Variants in MC2R observed in about 807,000 individuals in gnomAD.
MC2R encodes adrenocorticotropic hormone receptor.
A neutral mutation model predicts 9.8 loss-of-function variants in MC2R; 9 were observed. The ratio of observed to expected loss-of-function variants is 0.92; its 90% CI spans 0.55 to 1.60. MC2R has a LOEUF of 1.60. Among genes scored for constraint, MC2R ranks in the 40% most tolerant of loss-of-function variants. The pLI, the probability that MC2R is intolerant of heterozygous loss-of-function variation, is 0.00. For synonymous variants in MC2R, 185 were observed against 154.7 expected (o/e 1.20, Z -1.45); for missense variants, 370 against 389.0 (o/e 0.95, Z 0.41).
At chr18:13,909,599 G>A (rs2045433115) in intron 1 of MC2R, among the ~76,000 whole-genome samples, 1 of 152,156 alleles carries the variant, frequency 6.6e-6, no homozygotes, top group Non-Finnish European at 1.5e-5. Context: ...CAGTATGAAT[G>A]CATGGACAAC....
rs752812765 is a variant in MC2R, at chr18:13,885,489, G to A, written c.30C>T (p.Asn10=). The part of the protein sequence containing the change: MKHIINSYE[N]INNTARNNSD... ...AATTATTTCTTGCTGTGTTGTTGATGTTTTCATACGAGTTGATAATGTGCT... is the reference window on the plus strand; with the variant it reads ...AATTATTTCTTGCTGTGTTGTTGATATTTTCATACGAGTTGATAATGTGCT... The change falls in exon 2 of 2, where the codon AAC becomes AAT. Residue 10 remains asparagine (N), a synonymous_variant. Transcript: ENST00000327606. The A allele has an allele frequency of 2.5e-6, 4 of 1,614,156 alleles. No homozygotes were observed. The Admixed American group carries it at 6.7e-5, about 27-fold the overall frequency.
intron 1 of MC2R, among the ~76,000 whole-genome samples, chr18:13,893,278 G>A (rs2045327665): frequency 6.6e-6 from 1 of 152,168 alleles, no homozygotes; most frequent in African/African-American, 2.4e-5. Context: ...TGTGGCGTGG[G>A]GTGGCGAGAT....
intron 1 of MC2R, among the ~76,000 whole-genome samples, chr18:13,892,632 CT>C (rs34775041): frequency 0.23 from 34,842 of 150,952 alleles, 4,210 homozygotes; most frequent in Middle Eastern, 0.3. Flanking sequence ...AATAAATGAA[CT>C]TTTTTTTTTC....
rs1324898311 is a variant in MC2R, at chr18:13,886,555, G to A, written c.-128-909C>T. Among the ~76,000 whole-genome samples, 3 of 152,302 alleles carry A rather than the reference G, an allele frequency of 2.0e-5. No individual in the cohort carries two copies. The East Asian group carries it at 5.8e-4, about 29-fold the overall frequency. On this transcript the variant is annotated intron_variant, in intron 1 of 1. Coordinates refer to ENST00000327606, the MANE Select transcript of MC2R (RefSeq NM_000529.2). ...TTTAGTCCATTCCTTCTCACTGCTC[G>A]TCTCCCTGGGTCACTGCCTGACCCC...
At chr18:13,905,313 C>T (rs2045406722) in intron 1 of MC2R, among the ~76,000 whole-genome samples, 1 of 152,062 alleles carries the variant, frequency 6.6e-6, no homozygotes, top group Admixed American at 6.6e-5. Flanking sequence ...TGGTGAAACC[C>T]CGTCTCTACT....
At chr18:13,902,894 T>C (rs962267962) in intron 1 of MC2R, among the ~76,000 whole-genome samples, 1 of 152,088 alleles carries the variant, frequency 6.6e-6, no homozygotes, top group Non-Finnish European at 1.5e-5. Flanking sequence ...ACCCACAAAG[T>C]GAAGAGACAG....
At chr18:13,905,753 C>A (rs1055463981) in intron 1 of MC2R, among the ~76,000 whole-genome samples, 2 of 152,272 alleles carry the variant, frequency 1.3e-5, no homozygotes, top group East Asian at 3.9e-4. Context: ...TGGGTATATA[C>A]CCAAAGAAAT....
At chr18:13,904,380 C>CAAAAAAAAAA (rs56308792) in intron 1 of MC2R, among the ~76,000 whole-genome samples, 1 of 94,992 alleles carries the variant, frequency 1.1e-5, no homozygotes, top group Non-Finnish European at 2.2e-5. Context: ...GACCCCGTCT[C>CAAAAAAAAAA]AAAAAAAAAA....
chr18:13,899,528 G>A (rs891656158), intron 1 of MC2R, among the ~76,000 whole-genome samples: 2 of 152,134 alleles, frequency 1.3e-5, no homozygotes, highest in Non-Finnish European at 2.9e-5. Context: ...AGAACATCAA[G>A]CATATTTAAC....
At chr18:13,894,276 C>T (rs2045334098) in intron 1 of MC2R, among the ~76,000 whole-genome samples, 1 of 152,110 alleles carries the variant, frequency 6.6e-6, no homozygotes, top group Non-Finnish European at 1.5e-5. Flanking sequence ...CACAACATAG[C>T]TGTGAGACAG....
chr18:13,898,886 C>G (rs566983168), intron 1 of MC2R, among the ~76,000 whole-genome samples: 52 of 152,268 alleles, frequency 3.4e-4, no homozygotes, highest in African/African-American at 1.2e-3. Context: ...ATCTGGAAAG[C>G]CTTCCCAAGG....
chr18:13,892,472 AG>A (rs1279630466), intron 1 of MC2R, among the ~76,000 whole-genome samples: 4 of 152,210 alleles, frequency 2.6e-5, no homozygotes, highest in African/African-American at 9.6e-5. Flanking sequence ...GCCTCTGGGC[AG>A]GGTCTGGTGG....
At chr18:13,908,724 G>A (rs2045428111) in intron 1 of MC2R, among the ~76,000 whole-genome samples, 1 of 151,848 alleles carries the variant, frequency 6.6e-6, no homozygotes, top group Non-Finnish European at 1.5e-5. Context: ...GTGTGTGTGT[G>A]TGTGTGTGTG....
At chr18:13,899,710 AAAGTGCTG>A (rs2045367500) in intron 1 of MC2R, among the ~76,000 whole-genome samples, 1 of 152,228 alleles carries the variant, frequency 6.6e-6, no homozygotes, top group Non-Finnish European at 1.5e-5. Context: ...TGGTATATTT[AAAGTGCTG>A]AAGGGAAAAA....
At chr18:13,913,149 G>A (rs1019479937) in intron 1 of MC2R, among the ~76,000 whole-genome samples, 2 of 150,448 alleles carry the variant, frequency 1.3e-5, no homozygotes, top group Non-Finnish European at 2.9e-5. Flanking sequence ...AGCTTTTGCA[G>A]GAGCTCACAG....
At chr18:13,908,623 T>G (rs1413368401) in intron 1 of MC2R, among the ~76,000 whole-genome samples, 1 of 152,142 alleles carries the variant, frequency 6.6e-6, no homozygotes, top group African/African-American at 2.4e-5. Flanking sequence ...AATTATCACA[T>G]GTACCCTGAA....
intron 1 of MC2R, among the ~76,000 whole-genome samples, chr18:13,909,754 T>C (rs2045434046): frequency 6.6e-6 from 1 of 152,192 alleles, no homozygotes; most frequent in East Asian, 1.9e-4. Context: ...GGAACACTTA[T>C]TTACTCTCTG....
intron 1 of MC2R, among the ~76,000 whole-genome samples, chr18:13,911,494 A>G (rs2045444197): frequency 6.6e-6 from 1 of 152,228 alleles, no homozygotes; most frequent in Non-Finnish European, 1.5e-5. Flanking sequence ...TCCCAGATGA[A>G]GGCTTTAAAA....
At chr18:13,909,281 T>G (rs1253704135) in intron 1 of MC2R, among the ~76,000 whole-genome samples, 5 of 152,232 alleles carry the variant, frequency 3.3e-5, no homozygotes. Flanking sequence ...AGATGTAAAC[T>G]ATCATTCTCA....
Sources: allele counts gnomAD v4.1 joint callset (sites outside exome capture counted in the v4.1 genomes callset), GRCh38; gene constraint gnomAD v4.1.1; transcripts MANE v1.5; gene names NCBI Gene and HGNC (gene_info 2026-07-23, HGNC 2026-07-21).